The following CSRNP3 variants were observed in gnomAD, a reference collection of about 807,000 sequenced individuals.
The protein encoded by CSRNP3 is cysteine/serine-rich nuclear protein 3.
Under a neutral mutation model 48.0 loss-of-function variants are expected in CSRNP3, and 12 were observed. The observed-to-expected ratio is 0.25, with a 90% CI of 0.16 to 0.41. The LOEUF is 0.41. Ranked by LOEUF, CSRNP3 falls within the 10% of genes least tolerant of loss-of-function variation. The pLI is 1.00. For synonymous variants in CSRNP3, 263 were observed against 269.7 expected (o/e 0.98, Z 0.24); for missense variants, 580 against 724.4 (o/e 0.80, Z 2.29).
intron 1 of CSRNP3, among the ~76,000 whole-genome samples, chr2:165,483,026 A>ATG (rs975614788): frequency 2.4e-4 from 34 of 144,040 alleles, no homozygotes; most frequent in Non-Finnish European, 3.8e-4. Context: ...ACATACGTAT[A>ATG]TGTGTGTGTG....
intron 3 of CSRNP3, among the ~76,000 whole-genome samples, chr2:165,526,412 C>A (rs1332923577): frequency 6.6e-6 from 1 of 152,052 alleles, no homozygotes; most frequent in African/African-American, 2.4e-5. Flanking sequence ...TACTAGATAT[C>A]ATTAAAAATA....
At chr2:165,651,570 G>A (rs1455473990) in intron 4 of CSRNP3, among the ~76,000 whole-genome samples, 1 of 150,946 alleles carries the variant, frequency 6.6e-6, no homozygotes, top group Non-Finnish European at 1.5e-5. Context: ...ATAATTTATA[G>A]TACAGATTAT....
chr2:165,659,644 C>T (rs183495142), intron 5 of CSRNP3, among the ~76,000 whole-genome samples: 98 of 152,244 alleles, frequency 6.4e-4, no homozygotes, highest in Middle Eastern at 6.8e-3. Flanking sequence ...GACACTCTTC[C>T]GTTGGATTAT....
chr2:165,619,458 T>A (rs1686303821), intron 4 of CSRNP3, among the ~76,000 whole-genome samples: 1 of 152,158 alleles, frequency 6.6e-6, no homozygotes, highest in Non-Finnish European at 1.5e-5. Context: ...GGGGTTAGTT[T>A]GTTGGGGACC....
intron 4 of CSRNP3, among the ~76,000 whole-genome samples, chr2:165,602,933 C>A (rs562768494): frequency 6.6e-6 from 1 of 151,924 alleles, no homozygotes; most frequent in South Asian, 2.1e-4. Context: ...GTCTCGCTGT[C>A]GCCCAGGCTG....
At chr2:165,515,062 G>A (rs1684558203) in intron 2 of CSRNP3, among the ~76,000 whole-genome samples, 1 of 152,168 alleles carries the variant, frequency 6.6e-6, no homozygotes. Context: ...GCTCACGCCT[G>A]TAATCCCAGC....
intron 1 of CSRNP3, among the ~76,000 whole-genome samples, chr2:165,487,890 A>G (rs1383380735): frequency 7.0e-6 from 1 of 143,584 alleles, no homozygotes; most frequent in African/African-American, 2.6e-5. Context: ...GCATCAACTA[A>G]TGAGCAAAAT....
In CSRNP3 at chr2:165,679,324, T is replaced by A. The variant is rs376459154; in HGVS notation, c.1329T>A (p.Ile443=). ...STLYYQIDSH[I]PGTPNQISEN... Reference sequence around the variant, plus strand: ...TGTATTACCAAATAGATAGCCACATTCCAGGAACTCCAAATCAGATCTCTG... The same window carrying A: ...TGTATTACCAAATAGATAGCCACATACCAGGAACTCCAAATCAGATCTCTG... Residue 443 remains isoleucine, a synonymous_variant, in exon 7 of 7, where the codon ATT becomes ATA. Transcript: ENST00000651982. The A allele has an allele frequency of 6.2e-7, 1 of 1,613,800 alleles. No individual in the cohort carries two copies. The highest frequency in any genetic ancestry group is 2.2e-5 in the East Asian group (1 of 44,842).
In CSRNP3 at chr2:165,687,508, C is replaced by T. The variant is rs1008659495; in HGVS notation, c.*7755C>T. On this transcript the variant is annotated 3_prime_UTR_variant, in exon 7 of 7. Coordinates refer to ENST00000651982, the MANE Select transcript of CSRNP3 (RefSeq NM_001172173.2). Reference sequence around the variant, plus strand: ...TACATTCTTACTTCTAAGTAATGACCTTCTCATTAATCTTTCCTTGGCTTA... The same window carrying T: ...TACATTCTTACTTCTAAGTAATGACTTTCTCATTAATCTTTCCTTGGCTTA... 6.6e-6 allele frequency: 1 copy of T among 152,042 alleles called. No homozygotes were observed. Among genetic ancestry groups the T allele is most frequent in the Non-Finnish European group, 1.5e-5 (1 of 68,004 alleles). 9.4% of individuals were successfully genotyped at this position (152,042 alleles called of 1,614,324 possible). A position where few individuals can be genotyped will look rare whatever the true frequency, so the allele number is the denominator to read the frequency against.
At chr2:165,570,519 A>G (rs1380160371) in intron 3 of CSRNP3, among the ~76,000 whole-genome samples, 1 of 151,736 alleles carries the variant, frequency 6.6e-6, no homozygotes, top group Non-Finnish European at 1.5e-5. Context: ...AAAAACTTGC[A>G]AATAACTTAG....
chr2:165,503,643 T>C (rs1684387090), intron 2 of CSRNP3, among the ~76,000 whole-genome samples: 1 of 152,034 alleles, frequency 6.6e-6, no homozygotes, highest in South Asian at 2.1e-4. Context: ...ACATTAAATA[T>C]GTAGATTAAT....
At chr2:165,668,742 T>A (rs1687278612) in intron 5 of CSRNP3, among the ~76,000 whole-genome samples, 1 of 152,148 alleles carries the variant, frequency 6.6e-6, no homozygotes, top group South Asian at 2.1e-4. Context: ...GGGAAGCTTA[T>A]TCTGCTCTTT....
At chr2:165,583,467 C>G (rs1685579462) in intron 3 of CSRNP3, among the ~76,000 whole-genome samples, 1 of 152,036 alleles carries the variant, frequency 6.6e-6, no homozygotes, top group Non-Finnish European at 1.5e-5. Flanking sequence ...TGGAAAAGAC[C>G]CCAGTGGGAG....
intron 4 of CSRNP3, among the ~76,000 whole-genome samples, chr2:165,608,381 C>G (rs1357435228): frequency 6.6e-6 from 1 of 152,056 alleles, no homozygotes; most frequent in Admixed American, 6.5e-5. Flanking sequence ...CTGCCTTTCA[C>G]TGGCATAAGT....
At position 165,657,133 on chromosome 2, in the gene CSRNP3, G is replaced by A. The variant is rs116210894; in HGVS notation, c.149-628G>A. On this transcript the variant is annotated intron_variant, in intron 4 of 6. Transcript: ENST00000651982. ...AATCTTCTCTTTGTCCAGCACATCA[G>A]TGCTGTCTATGCTACTGGCCCATTA... 7.7e-3 allele frequency among the ~76,000 whole-genome samples: 1,179 copies of A among 152,278 alleles called. 17 individuals carry two copies. Among genetic ancestry groups the A allele is most frequent in the African/African-American group, 0.026 (1,089 of 41,562 alleles).
intron 5 of CSRNP3, among the ~76,000 whole-genome samples, chr2:165,663,367 G>C (rs1687128885): frequency 6.6e-6 from 1 of 152,144 alleles, no homozygotes; most frequent in South Asian, 2.1e-4. Flanking sequence ...AGCATACTTA[G>C]TGTCAGAGCT....
Position 165,492,759 on chromosome 2 carries a change from C to T in CSRNP3, c.-282-2000C>T, listed in dbSNP as rs143031407. 8.2e-3 allele frequency among the ~76,000 whole-genome samples: 1,129 copies of T among 137,732 alleles called. 14 individuals are homozygous for T. Among genetic ancestry groups the T allele is most frequent in the African/African-American group, 0.028 (1,035 of 37,472 alleles). The allele number at this position is 137,732 out of a possible 152,430, so 90.4% of individuals were successfully genotyped here. A position where few individuals can be genotyped will look rare whatever the true frequency, so the allele number is the denominator to read the frequency against. ...AAAAAAAAAAAAGAACAAAACAAAACTTGCTGTCGATGTTGCTTCTTTGTC... is the reference window on the plus strand; with the variant it reads ...AAAAAAAAAAAAGAACAAAACAAAATTTGCTGTCGATGTTGCTTCTTTGTC... On this transcript the variant is annotated intron_variant, in intron 1 of 6. Transcript: ENST00000651982.
intron 5 of CSRNP3, among the ~76,000 whole-genome samples, chr2:165,664,738 T>C (rs1687149991): frequency 6.6e-6 from 1 of 152,166 alleles, no homozygotes; most frequent in African/African-American, 2.4e-5. Context: ...TACGTTATCT[T>C]CTCCCAAGTT....
intron 4 of CSRNP3, among the ~76,000 whole-genome samples, chr2:165,646,374 C>G (rs1686812313): frequency 6.6e-6 from 1 of 151,986 alleles, no homozygotes; most frequent in South Asian, 2.1e-4. Flanking sequence ...AAGTGATGTT[C>G]TGACCTGGAT....
Sources: gnomAD v4.1 joint callset for allele counts (sites outside exome capture counted in the v4.1 genomes callset) on GRCh38, gnomAD v4.1.1 for gene constraint, MANE v1.5 for transcripts, NCBI Gene and HGNC (gene_info 2026-07-23, HGNC 2026-07-21) for gene names.